PREX2: variants seen among roughly 807,000 people sequenced by gnomAD.
The protein encoded by PREX2 is phosphatidylinositol-3,4,5-trisphosphate dependent Rac exchange factor 2.
A neutral mutation model predicts 203.2 loss-of-function variants in PREX2; 107 were observed. The observed-to-expected ratio is 0.53, with a 90% CI of 0.45 to 0.62. PREX2 has a LOEUF of 0.62. PREX2 is among the 20% of genes least tolerant of loss of function. The pLI, the probability that PREX2 is intolerant of heterozygous loss-of-function variation, is 0.00. For synonymous variants in PREX2, 672 were observed against 663.6 expected (o/e 1.01, Z -0.19); for missense variants, 1,777 against 1,955.9 (o/e 0.91, Z 1.72).
intron 35 of PREX2, among the ~76,000 whole-genome samples, chr8:68,169,343 A>G (rs1307398358): frequency 1.3e-5 from 2 of 152,064 alleles, no homozygotes; most frequent in Non-Finnish European, 2.9e-5. Flanking sequence ...AGTGAGGGTC[A>G]GAATGCTGGA....
chr8:67,996,674 T>C (rs1806775266), intron 1 of PREX2, among the ~76,000 whole-genome samples: 1 of 152,218 alleles, frequency 6.6e-6, no homozygotes, highest in African/African-American at 2.4e-5. Flanking sequence ...TTTACTTTTA[T>C]GGTTAATATA....
intron 25 of PREX2, among the ~76,000 whole-genome samples, chr8:68,111,723 G>A (rs535127538): frequency 3.0e-4 from 45 of 152,256 alleles, no homozygotes; most frequent in African/African-American, 1.0e-3. Flanking sequence ...AACTTAATGT[G>A]CAATATAATC....
chr8:68,117,595 T>C (rs1810683018), intron 26 of PREX2, among the ~76,000 whole-genome samples: 1 of 152,234 alleles, frequency 6.6e-6, no homozygotes, highest in Non-Finnish European at 1.5e-5. Context: ...ACAGTTTCCC[T>C]CTAGGCTAAG....
At chr8:68,094,240 A>G (rs1437232064) in intron 21 of PREX2, among the ~76,000 whole-genome samples, 1 of 152,198 alleles carries the variant, frequency 6.6e-6, no homozygotes. Flanking sequence ...TTTTAACTAG[A>G]TTTGATTTGT....
chr8:68,146,212 T>A lies in PREX2; in HGVS notation c.4091T>A (p.Val1364Asp). Residue 1364 changes from valine to aspartate, a missense_variant, in exon 34 of 40, where the codon GTT (valine) becomes GAT (aspartate). Transcript: ENST00000288368. Reference sequence around the variant, plus strand: ...ATACTATTAAATATCATTTTAGATGTTCCTCTTACATATCAAGCAGAAGGA... The same window carrying A: ...ATACTATTAAATATCATTTTAGATGATCCTCTTACATATCAAGCAGAAGGA... ...PSEEEPLVAN[V>D]PLTYQAEGSR... The A allele has an allele frequency of 6.2e-7, 1 of 1,602,050 alleles. No individual in the cohort carries two copies.
intron 2 of PREX2, 95 bp downstream of exon 2, chr8:68,018,012 G>C (rs1807454941): frequency 1.2e-6 from 1 of 839,348 alleles, no homozygotes; most frequent in South Asian, 1.5e-5. Flanking sequence ...CAGTTGATCG[G>C]CAGTTCCACT....
intron 1 of PREX2, among the ~76,000 whole-genome samples, chr8:68,002,457 G>T (rs1420169274): frequency 6.6e-6 from 1 of 152,146 alleles, no homozygotes; most frequent in Non-Finnish European, 1.5e-5. Flanking sequence ...TCTCCCAAAG[G>T]CGTGAGCCAC....
At position 68,188,069 on chromosome 8, in the gene PREX2, T is replaced by C. The variant is rs1464496144; in HGVS notation, c.4347-3653T>C. On this transcript the variant is annotated intron_variant, in intron 35 of 39. Coordinates refer to ENST00000288368, the MANE Select transcript of PREX2 (RefSeq NM_024870.4). ...TCTGCTGATCACTGTTGCTTGAGAC[T>C]AGCTTTTGTGATGCTTGGTGTTTAA... 2.0e-5 allele frequency among the ~76,000 whole-genome samples: 3 copies of C among 152,238 alleles called. No individual in the cohort carries two copies. In the East Asian group the frequency reaches 5.8e-4, roughly 29 times the overall value.
chr8:68,188,634 G>T (rs1373262606), intron 35 of PREX2, among the ~76,000 whole-genome samples: 2 of 152,178 alleles, frequency 1.3e-5, no homozygotes, highest in East Asian at 3.8e-4. Flanking sequence ...GAAGGCAAAT[G>T]AGGAGCAAGG....
chr8:68,160,814 A>G (rs540047368), intron 35 of PREX2, among the ~76,000 whole-genome samples: 3 of 152,328 alleles, frequency 2.0e-5, no homozygotes, highest in Admixed American at 6.5e-5. Context: ...AAAATACCTA[A>G]TAAAGACAGT....
chr8:68,077,267 C>T (rs575118619), intron 14 of PREX2, 130 bp from the exon 15 acceptor site: 2 of 703,590 alleles, frequency 2.8e-6, no homozygotes, highest in Non-Finnish European at 5.3e-6. Flanking sequence ...TGCATTCTGT[C>T]TTATAAAGCA....
intron 37 of PREX2, among the ~76,000 whole-genome samples, chr8:68,213,424 C>T (rs1262330713): frequency 2.0e-5 from 3 of 152,170 alleles, no homozygotes; most frequent in Admixed American, 6.5e-5. Flanking sequence ...TTTTGTAGCT[C>T]CACAGTAAAT....
intron 1 of PREX2, among the ~76,000 whole-genome samples, chr8:68,012,771 A>T (rs555357455): frequency 1.3e-5 from 2 of 152,344 alleles, no homozygotes; most frequent in African/African-American, 2.4e-5. Flanking sequence ...ACAAAGTAAC[A>T]TCATTTTATA....
At chr8:68,168,864 C>T (rs989370711) in intron 35 of PREX2, among the ~76,000 whole-genome samples, 7 of 151,680 alleles carry the variant, frequency 4.6e-5, no homozygotes, top group Non-Finnish European at 1.0e-4. Context: ...CCATTTCATT[C>T]TGGAAAGTAA....
chr8:68,154,508 T>C (rs917742266), intron 34 of PREX2, among the ~76,000 whole-genome samples: 6 of 152,218 alleles, frequency 3.9e-5, no homozygotes, highest in Non-Finnish European at 7.3e-5. Flanking sequence ...GTAATTTATC[T>C]TGAAGTATGA....
At chr8:67,972,620 A>G (rs893704992) in intron 1 of PREX2, among the ~76,000 whole-genome samples, 1 of 152,122 alleles carries the variant, frequency 6.6e-6, no homozygotes, top group Non-Finnish European at 1.5e-5. Context: ...GGCATTGTTC[A>G]TCAGTGTTAC....
chr8:67,963,286 A>G (rs980065957), intron 1 of PREX2, among the ~76,000 whole-genome samples: 4 of 152,154 alleles, frequency 2.6e-5, no homozygotes, highest in African/African-American at 9.7e-5. Flanking sequence ...TTAGAACATG[A>G]AATGGAAGGT....
intron 10 of PREX2, 41 bp downstream of exon 10, chr8:68,056,015 C>G (rs765961195): frequency 6.4e-7 from 1 of 1,558,090 alleles, no homozygotes; most frequent in South Asian, 1.2e-5. Flanking sequence ...CTTTTACATT[C>G]TCATTGTCTC....
At chr8:68,010,414 C>T (rs1002211299) in intron 1 of PREX2, among the ~76,000 whole-genome samples, 11 of 152,100 alleles carry the variant, frequency 7.2e-5, no homozygotes, top group African/African-American at 2.7e-4. Context: ...CTTAACTTAC[C>T]CTTTAGTTCT....
Sources: gnomAD v4.1 joint callset for allele counts (sites outside exome capture counted in the v4.1 genomes callset) on GRCh38, gnomAD v4.1.1 for gene constraint, MANE v1.5 for transcripts, NCBI Gene and HGNC (gene_info 2026-07-23, HGNC 2026-07-21) for gene names.